ACSL6: variants seen among roughly 807,000 people sequenced by gnomAD.
ACSL6 encodes the protein long-chain-fatty-acid--CoA ligase 6.
In ACSL6, 47 loss-of-function variants were observed where a neutral mutation model predicts 98.2. That is an observed-to-expected ratio of 0.48 (90% CI 0.38 to 0.61). The LOEUF is 0.61. Ranked by LOEUF, ACSL6 falls within the 20% of genes least tolerant of loss-of-function variation. The probability of loss-of-function intolerance (pLI) is 0.00; values close to 1 mark genes in which losing one functional copy is unlikely to be tolerated. For missense variants in ACSL6, 761 were observed against 913.4 expected, an observed-to-expected ratio of 0.83 and a Z score of 2.15; for synonymous variants, 362 against 336.9, an observed-to-expected ratio of 1.07 and a Z score of -0.82.
Position 131,996,423 on chromosome 5 carries a change from A to G in ACSL6, c.50-2172T>C, listed in dbSNP as rs1754795745. On this transcript the variant is annotated intron_variant, in intron 1 of 20. Coordinates refer to ENST00000651883, the MANE Select transcript of ACSL6 (RefSeq NM_001009185.3). ...AGGCCTATCAGATAAATGACTCACT[A>G]CTTAGTAGAAAATCCAGACATGCTC... is the stretch of plus-strand genomic sequence containing the variant. Among the ~76,000 whole-genome samples, 3 of 152,180 alleles carry G rather than the reference A, an allele frequency of 2.0e-5. No homozygotes were observed. In the South Asian group the frequency reaches 6.2e-4, roughly 31 times the overall value.
rs145778763 is a variant in ACSL6 at position 131,990,935 on chromosome 5, C to A, written c.303G>T (p.Gly101=). The A allele has an allele frequency of 6.8e-5, 109 of 1,614,006 alleles. No individual in the cohort carries two copies. In the African/African-American group the frequency reaches 1.4e-3, roughly 20 times the overall value. ...DSGGARRSVI[G]SGPQLLTHYY... is the part of the protein sequence containing the mutation. ...AGTGGGTAAGTAGCTGAGGGCCAGA[C>A]CCAATCACAGATCGCCGTGCCCCGC... Residue 101 remains glycine (G), a synonymous_variant, in exon 3 of 21, where the codon GGG becomes GGT. Transcript: ENST00000651883.
rs752612149 is a variant in ACSL6, at chr5:132,011,495, G to C, written c.49+10C>G. On this transcript the variant is annotated intron_variant, in intron 1 of 20. Transcript: ENST00000651883. The surrounding 1 kb of genome is among the most constrained non-coding windows in gnomAD (Gnocchi z 5.4). ...TGGGAGTCCGGGACGCGGACAGGAC[G>C]GGCACTTACCTACGAATAGCCAGAG... is the stretch of plus-strand genomic sequence containing the variant. The C allele has an allele frequency of 2.5e-6, 4 of 1,610,028 alleles. No individual in the cohort carries two copies. Among genetic ancestry groups the C allele is most frequent in the South Asian group, 2.2e-5 (2 of 90,976 alleles).
In ACSL6 at chr5:131,988,064, G is replaced by T; in HGVS notation, c.815C>A (p.Ser272Tyr). 6.2e-7 allele frequency: 1 copy of T among 1,614,118 alleles called. No individual in the cohort carries two copies. Among genetic ancestry groups the T allele is most frequent in the Non-Finnish European group, 8.5e-7 (1 of 1,179,986 alleles). Residue 272 changes from serine (S) to tyrosine (Y), a missense_variant, in exon 7 of 21, where the codon TCC (serine) becomes TAC (tyrosine). Physicochemically the swap from Ser to Tyr is moderately radical, Grantham distance 144. Coordinates refer to ENST00000651883, the MANE Select transcript of ACSL6 (RefSeq NM_001009185.3). ...RGQKCGVVIKSMQAVEDCGQE... is the reference protein window; with the variant it reads ...RGQKCGVVIKYMQAVEDCGQE... ...GACCCTCACCTCCACGGCCTGCATG[G>T]ACTTAATGACCACCCCGCACTTCTG... is the stretch of plus-strand genomic sequence containing the variant.
At chr5:131,965,114 A>G (rs1002284141) in intron 17 of ACSL6, among the ~76,000 whole-genome samples, 2 of 152,212 alleles carry the variant, frequency 1.3e-5, no homozygotes, top group African/African-American at 4.8e-5. Context: ...CACAGGCCCA[A>G]GCAGGGGCAG....
At chr5:131,976,538 T>C in intron 10 of ACSL6, 110 bp downstream of exon 10, 1 of 994,572 alleles carries the variant, frequency 1.0e-6, no homozygotes, top group South Asian at 1.6e-5. Flanking sequence ...GCCCAGGTTA[T>C]ATCAAGAAAA....
At chr5:131,959,496 C>T in intron 20 of ACSL6, 40 bp downstream of exon 20, 1 of 1,595,222 alleles carries the variant, frequency 6.3e-7, no homozygotes, top group Non-Finnish European at 8.6e-7. Context: ...TTCATCACTG[C>T]CTGAAGGGTT....
chr5:131,979,918 A>C (rs1375172320), intron 9 of ACSL6, among the ~76,000 whole-genome samples: 1 of 152,148 alleles, frequency 6.6e-6, no homozygotes, highest in Non-Finnish European at 1.5e-5. Flanking sequence ...AAAACTCTCC[A>C]AGTGTTAGAT....
At chr5:131,996,336 T>C (rs1754791545) in intron 1 of ACSL6, among the ~76,000 whole-genome samples, 1 of 152,232 alleles carries the variant, frequency 6.6e-6, no homozygotes, top group Admixed American at 6.5e-5. Context: ...GGTAGGTGAC[T>C]AGCTGGCCTT....
intron 2 of ACSL6, 39 bp from the exon 3 acceptor site, chr5:131,991,006 A>G (rs1203859985): frequency 6.3e-7 from 1 of 1,591,618 alleles, no homozygotes; most frequent in Non-Finnish European, 8.6e-7. Flanking sequence ...TGGCTGAGGC[A>G]GGTAGGGGTG....
intron 10 of ACSL6, chr5:131,975,783 CT>C: frequency 1.0e-6 from 1 of 985,498 alleles, no homozygotes; most frequent in Non-Finnish European, 1.2e-6. Context: ...TCCACGTGCT[CT>C]CCTCTGCTGG....
chr5:131,963,485 C>A (rs1378113011), intron 17 of ACSL6, among the ~76,000 whole-genome samples: 1 of 152,192 alleles, frequency 6.6e-6, no homozygotes, highest in African/African-American at 2.4e-5. Context: ...ACCCAAATAC[C>A]CTTGGAATGC....
chr5:131,986,437 C>A (rs1190315828), intron 8 of ACSL6, among the ~76,000 whole-genome samples: 1 of 152,220 alleles, frequency 6.6e-6, no homozygotes, highest in Non-Finnish European at 1.5e-5. Flanking sequence ...CAAAGATGAA[C>A]AAAGACAGCA....
chr5:131,992,169 G>A (rs940565892), intron 2 of ACSL6, among the ~76,000 whole-genome samples: 2 of 152,178 alleles, frequency 1.3e-5, no homozygotes, highest in Non-Finnish European at 2.9e-5. Flanking sequence ...CAAATGCACC[G>A]GCAGGAGGCA....
chr5:131,968,793 G>GA (rs1402433414), intron 15 of ACSL6, among the ~76,000 whole-genome samples: 2 of 152,188 alleles, frequency 1.3e-5, no homozygotes, highest in Non-Finnish European at 2.9e-5. Flanking sequence ...CCGCGTATAT[G>GA]AAAAATGAGG....
Position 131,962,608 on chromosome 5 carries a change from G to C in ACSL6, c.1784C>G (p.Pro595Arg). The change falls in exon 18 of 21, where the codon CCC (proline) becomes CGC (arginine). Residue 595 changes from proline to arginine, a missense_variant. Pro to Arg is a moderately radical substitution (Grantham distance 103). Coordinates refer to ENST00000651883, the MANE Select transcript of ACSL6 (RefSeq NM_001009185.3). ...GATGTAGATGTTCTCAATCTTCTCG[G>C]GTGCAACATATTCTCCCTGAGCAAG... Reference protein sequence around the residue: ...FKLAQGEYVAPEKIENIYIRS... With the variant: ...FKLAQGEYVAREKIENIYIRS... 6.2e-7 allele frequency: 1 copy of C among 1,613,992 alleles called. No homozygotes were observed.
At chr5:131,966,342 C>T (rs921134782) in intron 17 of ACSL6, 74 bp downstream of exon 17, 17 of 1,440,208 alleles carry the variant, frequency 1.2e-5, no homozygotes, top group Non-Finnish European at 1.7e-5. Flanking sequence ...GAGAAGACTC[C>T]TGCCTCAGTG....
rs1017022190 is a variant in ACSL6 at position 131,951,981 on chromosome 5, T to C, written c.*2253A>G. ...ATAAGTTTTACATTACTTGTTTCTG[T>C]CACATTGTTCAAAATTCTTTTGGGC... is the stretch of plus-strand genomic sequence containing the variant. On this transcript the variant is annotated 3_prime_UTR_variant, in exon 21 of 21. Coordinates refer to ENST00000651883, the MANE Select transcript of ACSL6 (RefSeq NM_001009185.3). 2 of 177,328 alleles carry C rather than the reference T, an allele frequency of 1.1e-5. No individual in the cohort carries two copies. Among genetic ancestry groups the C allele is most frequent in the Non-Finnish European group, 2.4e-5 (2 of 82,508 alleles). The allele number at this position is 177,328 out of a possible 1,614,324, so 11.0% of individuals were successfully genotyped here. A position where few individuals can be genotyped will look rare whatever the true frequency, so the allele number is the denominator to read the frequency against.
Position 131,963,374 on chromosome 5 carries a change from C to T in ACSL6, c.1714-696G>A, listed in dbSNP as rs563122069. ...ATTACGTGGGCCTCTTTCCCCTCACCGCCACTGACAATGCACCTTGGAGTA... is the reference window on the plus strand; with the variant it reads ...ATTACGTGGGCCTCTTTCCCCTCACTGCCACTGACAATGCACCTTGGAGTA... On this transcript the variant is annotated intron_variant, in intron 17 of 20. Transcript: ENST00000651883. Among the ~76,000 whole-genome samples, 16 of 152,344 alleles carry T rather than the reference C, an allele frequency of 1.1e-4. No homozygotes were observed. The South Asian group carries it at 2.1e-3, about 20-fold the overall frequency.
Position 132,011,467 on chromosome 5 carries a change from A to T in ACSL6, c.49+38T>A. On this transcript the variant is annotated intron_variant, in intron 1 of 20. Coordinates refer to ENST00000651883, the MANE Select transcript of ACSL6 (RefSeq NM_001009185.3). This position sits in a 1 kb window ranked among gnomAD's most constrained non-coding sequence, Gnocchi z 5.4. ...GGGCGAAGACCTCATAGCCTGCGGG[A>T]GATGGGAGTCCGGGACGCGGACAGG... 6.3e-7 allele frequency: 1 copy of T among 1,597,908 alleles called. No individual in the cohort carries two copies. The highest frequency in any genetic ancestry group is 1.1e-5 in the South Asian group (1 of 90,612).
Sources: gnomAD v4.1 joint callset for allele counts (sites outside exome capture counted in the v4.1 genomes callset) on GRCh38, gnomAD v4.1.1 for gene constraint, Gnocchi (gnomAD v3.1) non-coding constraint, MANE v1.5 for transcripts, NCBI Gene and HGNC (gene_info 2026-07-23, HGNC 2026-07-21) for gene names.